PPP1R2: variants seen among roughly 807,000 people sequenced by gnomAD.
PPP1R2 encodes protein phosphatase inhibitor 2.
In PPP1R2, 16 loss-of-function variants were observed where a neutral mutation model predicts 29.9. That is an observed-to-expected ratio of 0.53 (90% CI 0.36 to 0.81). PPP1R2 has a LOEUF of 0.81. PPP1R2 is among the 30% of genes least tolerant of loss of function. PPP1R2 has a pLI of 0.00. For synonymous variants in PPP1R2, 76 were observed against 91.5 expected (o/e 0.83, Z 0.96); for missense variants, 197 against 252.7 (o/e 0.78, Z 1.49).
Position 195,516,575 on chromosome 3 carries a change from A to G in PPP1R2, c.*321T>C, listed in dbSNP as rs17847361. 1.7e-3 allele frequency: 415 copies of G among 245,554 alleles called. 6 individuals are homozygous for G. In the East Asian group the frequency reaches 0.031, roughly 19 times the overall value. The allele number at this position is 245,554 out of a possible 1,614,324, so 15.2% of individuals were successfully genotyped here. A position where few individuals can be genotyped will look rare whatever the true frequency, so the allele number is the denominator to read the frequency against. ...ATGAAAATAAATTAGTTCCCCCCCA[A>G]AGATATTGTTTAACTTCTAAAGCAT... On this transcript the variant is annotated 3_prime_UTR_variant, in exon 6 of 6. Coordinates refer to ENST00000618156, the MANE Select transcript of PPP1R2 (RefSeq NM_006241.8).
chr3:195,528,702 ATTTTTT>A (rs1186534650), intron 2 of PPP1R2: 5 of 59,968 alleles, frequency 8.3e-5, no homozygotes, highest in African/African-American at 4.0e-4. Context: ...GGGCATAACT[ATTTTTT>A]TTTTTTTTTT....
At chr3:195,538,979 T>C (rs569079200) in intron 1 of PPP1R2, among the ~76,000 whole-genome samples, 4 of 152,194 alleles carry the variant, frequency 2.6e-5, no homozygotes, top group Non-Finnish European at 5.9e-5. Flanking sequence ...CTATAATCCT[T>C]CTCAAATGAT....
rs1719671403 is a variant in PPP1R2 at position 195,543,174 on chromosome 3, A to T, written c.-149T>A. 1 of 1,123,984 alleles carries T rather than the reference A, an allele frequency of 8.9e-7. No homozygotes were observed. The highest frequency in any genetic ancestry group is 1.6e-5 in the African/African-American group (1 of 60,932). 69.6% of individuals were successfully genotyped at this position (1,123,984 alleles called of 1,614,324 possible). On this transcript the variant is annotated 5_prime_UTR_variant, in exon 1 of 6. Transcript: ENST00000618156. ...CTGCTGCCTCGGAAACGGCTACCGC[A>T]GCGGTTGTCACGACACAACGACCCC...
intron 3 of PPP1R2, among the ~76,000 whole-genome samples, chr3:195,524,382 C>G (rs1477881407): frequency 6.6e-6 from 1 of 152,154 alleles, no homozygotes; most frequent in Non-Finnish European, 1.5e-5. Flanking sequence ...ATTAGCCAGG[C>G]TTGGTGGCAT....
intron 1 of PPP1R2, among the ~76,000 whole-genome samples, chr3:195,533,110 G>A (rs1464654064): frequency 1.3e-5 from 2 of 152,100 alleles, no homozygotes; most frequent in Non-Finnish European, 2.9e-5. Context: ...ACTTTGGGAG[G>A]CTGAGGCAGG....
intron 1 of PPP1R2, among the ~76,000 whole-genome samples, chr3:195,542,077 C>CCAAGCCCCCGTG (rs1288802699): frequency 6.6e-6 from 1 of 152,130 alleles, no homozygotes; most frequent in Admixed American, 6.6e-5. Flanking sequence ...CTTGCAACGC[C>CCAAGCCCCCGTG]CAAGCCCCCG....
chr3:195,531,682 T>A (rs951968448), intron 1 of PPP1R2, among the ~76,000 whole-genome samples: 1 of 152,234 alleles, frequency 6.6e-6, no homozygotes, highest in Non-Finnish European at 1.5e-5. Context: ...TTGGTTAATC[T>A]TCCCTGTATC....
intron 1 of PPP1R2, among the ~76,000 whole-genome samples, chr3:195,542,005 T>C (rs938159523): frequency 3.9e-5 from 6 of 152,190 alleles, no homozygotes; most frequent in African/African-American, 1.4e-4. Flanking sequence ...TGACTACCAA[T>C]TTCAATGGTA....
intron 5 of PPP1R2, among the ~76,000 whole-genome samples, chr3:195,517,780 A>G (rs1365335320): frequency 6.6e-6 from 1 of 152,190 alleles, no homozygotes; most frequent in African/African-American, 2.4e-5. Flanking sequence ...ACTATGTAAG[A>G]TGAAGTTTGC....
chr3:195,520,205 T>C (rs976451510), intron 4 of PPP1R2, among the ~76,000 whole-genome samples: 2 of 152,182 alleles, frequency 1.3e-5, no homozygotes, highest in African/African-American at 2.4e-5. Flanking sequence ...AGACGGGGTT[T>C]CATCATGTTG....
chr3:195,517,846 A>G (rs1223468935), intron 5 of PPP1R2, among the ~76,000 whole-genome samples: 1 of 152,228 alleles, frequency 6.6e-6, no homozygotes, highest in Non-Finnish European at 1.5e-5. Context: ...ATGAAAGGCT[A>G]TATGAAATAG....
chr3:195,537,481 T>TTTTTTTTGTGTGTGTGTGTGTGTGTGTG (rs150119072), intron 1 of PPP1R2, among the ~76,000 whole-genome samples: 8 of 128,516 alleles, frequency 6.2e-5, no homozygotes, highest in African/African-American at 2.4e-4. Flanking sequence ...GGATTAGCTA[T>TTTTTTTTGTGTGTGTGTGTGTGTGTGTG]TGTGTGTGTG....
intron 3 of PPP1R2, 73 bp from the exon 4 acceptor site, chr3:195,523,859 G>T: frequency 8.1e-7 from 1 of 1,227,116 alleles, no homozygotes; most frequent in East Asian, 2.4e-5. Context: ...TTCAACTGTT[G>T]ATTCTTACAA....
chr3:195,534,712 GAGAT>G (rs1719311600), intron 1 of PPP1R2, among the ~76,000 whole-genome samples: 1 of 152,106 alleles, frequency 6.6e-6, no homozygotes, highest in Non-Finnish European at 1.5e-5. Flanking sequence ...AAAAAAAAGA[GAGAT>G]AGGGCATTAC....
rs1227863310 is a variant in PPP1R2, at chr3:195,519,104, G to A, written c.485C>T (p.Ser162Leu). ...LNIKLARQLI[S>L]KDLHDDDEDE... ...TTCATCATCATCATGTAGGTCTTTT[G>A]AAATTAATTGTCTGGCTAGTTTGAT... Residue 162 changes from serine (S) to leucine (L), a missense_variant, in exon 5 of 6, where the codon TCA becomes TTA. Ser to Leu is a moderately radical substitution (Grantham distance 145). Transcript: ENST00000618156. The A allele has an allele frequency of 6.2e-7, 1 of 1,612,262 alleles. No individual in the cohort carries two copies. The highest frequency in any genetic ancestry group is 8.5e-7 in the Non-Finnish European group (1 of 1,178,854).
intron 4 of PPP1R2, among the ~76,000 whole-genome samples, chr3:195,520,514 A>G (rs1044887730): frequency 3.3e-5 from 5 of 152,226 alleles, no homozygotes; most frequent in African/African-American, 1.2e-4. Context: ...GGGAAGGCTG[A>G]GATGGGAGGA....
chr3:195,534,195 C>T (rs147857739), intron 1 of PPP1R2, among the ~76,000 whole-genome samples: 1,774 of 152,174 alleles, frequency 0.012, 16 homozygotes, highest in Non-Finnish European at 0.016. Flanking sequence ...CACACACACA[C>T]CTGCAGTCCC....
chr3:195,527,426 G>C (rs1719012406), intron 2 of PPP1R2, among the ~76,000 whole-genome samples: 1 of 151,646 alleles, frequency 6.6e-6, no homozygotes, highest in South Asian at 2.1e-4. Context: ...CTCCAGCCCG[G>C]GTGACAGAGT....
Position 195,524,813 on chromosome 3 carries a change from A to C in PPP1R2, c.308+6T>G. On this transcript the variant is annotated splice_donor_region_variant and intron_variant, in intron 3 of 5. Coordinates refer to ENST00000618156, the MANE Select transcript of PPP1R2 (RefSeq NM_006241.8). ...GTGAAAATGTGCTCCGGTCATTAGT[A>C]CTTACTTCCTGGCTAAGATGTCTGG... The C allele has an allele frequency of 6.2e-7, 1 of 1,613,844 alleles. No homozygotes were observed. The highest frequency in any genetic ancestry group is 8.5e-7 in the Non-Finnish European group (1 of 1,179,748).
Sources: allele counts gnomAD v4.1 joint callset (sites outside exome capture counted in the v4.1 genomes callset), GRCh38; gene constraint gnomAD v4.1.1; transcripts MANE v1.5; gene names NCBI Gene and HGNC (gene_info 2026-07-23, HGNC 2026-07-21).